NPAS3: variants seen among roughly 807,000 people sequenced by gnomAD.
NPAS3 encodes the protein neuronal PAS domain-containing protein 3.
Under a neutral mutation model 73.1 loss-of-function variants are expected in NPAS3, and 14 were observed. The ratio of observed to expected loss-of-function variants is 0.19; its 90% CI spans 0.13 to 0.30. The LOEUF (loss-of-function observed/expected upper bound fraction) is 0.30. Ranked by LOEUF, NPAS3 falls within the 10% of genes least tolerant of loss-of-function variation. NPAS3 has a pLI of 1.00. For missense variants in NPAS3, 1,096 were observed against 1,250.0 expected, an observed-to-expected ratio of 0.88 and a Z score of 1.86; for synonymous variants, 620 against 541.5, an observed-to-expected ratio of 1.14 and a Z score of -2.01.
intron 6 of NPAS3, among the ~76,000 whole-genome samples, chr14:33,688,430 C>T (rs2060147873): frequency 6.6e-6 from 1 of 152,136 alleles, no homozygotes; most frequent in Non-Finnish European, 1.5e-5. Flanking sequence ...CCCGAAAGCA[C>T]ATGATTAAGC....
At position 33,003,665 on chromosome 14, in the gene NPAS3, C is replaced by T. The variant is rs78282202; in HGVS notation, c.51-52240C>T. ...TTAGAAGAAATCCAAGTAAGATTTT[C>T]ACAGTGGAAGCTTTGCAACAGTTGA... On this transcript the variant is annotated intron_variant, in intron 1 of 11. Transcript: ENST00000356141. Among the ~76,000 whole-genome samples the T allele has an allele frequency of 8.3e-3, 1,257 of 152,272 alleles. 14 individuals are homozygous for T. The highest frequency in any genetic ancestry group is 0.028 in the African/African-American group (1,173 of 41,562).
At chr14:33,286,311 T>C (rs2041870319) in intron 3 of NPAS3, among the ~76,000 whole-genome samples, 1 of 152,206 alleles carries the variant, frequency 6.6e-6, no homozygotes, top group Admixed American at 6.5e-5. Flanking sequence ...TTGATTTAAC[T>C]TAATTACCTT....
At chr14:33,298,222 G>T (rs796132570) in intron 3 of NPAS3, among the ~76,000 whole-genome samples, 4 of 152,306 alleles carry the variant, frequency 2.6e-5, no homozygotes, top group African/African-American at 9.6e-5. Context: ...GGTGGAGGTT[G>T]CAGTGAGCCA....
At chr14:33,456,662 A>G (rs1162813854) in intron 4 of NPAS3, among the ~76,000 whole-genome samples, 7 of 152,290 alleles carry the variant, frequency 4.6e-5, no homozygotes, top group African/African-American at 1.7e-4. Flanking sequence ...ACAGCCTGAG[A>G]CCGCACTGTT....
chr14:33,666,725 C>A (rs1379779650), intron 5 of NPAS3, among the ~76,000 whole-genome samples: 4 of 152,112 alleles, frequency 2.6e-5, no homozygotes, highest in Non-Finnish European at 4.4e-5. Context: ...GGGGCATGTG[C>A]TGAGTTTCTA....
At chr14:33,767,647 G>C (rs928681086) in intron 7 of NPAS3, among the ~76,000 whole-genome samples, 1 of 140,718 alleles carries the variant, frequency 7.1e-6, no homozygotes, top group Non-Finnish European at 1.5e-5. Context: ...TCCCCTAGTC[G>C]CCTAGCCCTA....
At chr14:33,453,970 G>T (rs568363535) in intron 4 of NPAS3, among the ~76,000 whole-genome samples, 8 of 152,206 alleles carry the variant, frequency 5.3e-5, no homozygotes, top group Non-Finnish European at 1.0e-4. Flanking sequence ...GAACACAGGC[G>T]TGAGCCACCA....
intron 5 of NPAS3, among the ~76,000 whole-genome samples, chr14:33,636,868 C>T (rs66969162): frequency 0.07 from 10,591 of 151,806 alleles, 503 homozygotes; most frequent in Admixed American, 0.15. Context: ...CCTCCTGCTA[C>T]CAAGCTGTCA....
At chr14:32,942,148 T>A (rs1277228092) in intron 1 of NPAS3, among the ~76,000 whole-genome samples, 1 of 152,222 alleles carries the variant, frequency 6.6e-6, no homozygotes, top group Non-Finnish European at 1.5e-5. Context: ...ATGTTTTAAA[T>A]GGTATCCTCC....
chr14:33,430,432 C>T (rs768778909), intron 4 of NPAS3, among the ~76,000 whole-genome samples: 15 of 152,094 alleles, frequency 9.9e-5, no homozygotes, highest in African/African-American at 2.7e-4. Flanking sequence ...ATGTGGTCCT[C>T]GTCTAGGATT....
intron 3 of NPAS3, among the ~76,000 whole-genome samples, chr14:33,240,438 G>A (rs184910457): frequency 1.5e-3 from 227 of 151,218 alleles, no homozygotes; most frequent in Non-Finnish European, 2.4e-3. Context: ...ATAATAATTG[G>A]ACTCTTTGTC....
chr14:33,722,957 T>A (rs890478221), intron 6 of NPAS3, among the ~76,000 whole-genome samples: 3 of 152,100 alleles, frequency 2.0e-5, no homozygotes, highest in South Asian at 4.1e-4. Flanking sequence ...GTGAAAAAAA[T>A]TAATTAACAG....
chr14:33,200,186 T>TA (rs2046560126), intron 2 of NPAS3, among the ~76,000 whole-genome samples: 1 of 151,500 alleles, frequency 6.6e-6, no homozygotes, highest in African/African-American at 2.4e-5. Context: ...GGTGCAAAAG[T>TA]AACTGGTTTT....
chr14:33,060,572 T>C (rs537753139), intron 2 of NPAS3, among the ~76,000 whole-genome samples: 37 of 152,350 alleles, frequency 2.4e-4, no homozygotes, highest in Admixed American at 3.9e-4. Context: ...GTAAAGTTTG[T>C]CTTTGTTTAG....
At chr14:33,304,698 TATA>T (rs1253561592) in intron 3 of NPAS3, among the ~76,000 whole-genome samples, 2 of 152,146 alleles carry the variant, frequency 1.3e-5, no homozygotes, top group Admixed American at 1.3e-4. Context: ...TTCTAAACAG[TATA>T]ATGAGCTAGG....
At chr14:33,260,746 C>T (rs2139953653) in intron 3 of NPAS3, among the ~76,000 whole-genome samples, 2 of 152,218 alleles carry the variant, frequency 1.3e-5, no homozygotes, top group East Asian at 3.9e-4. Flanking sequence ...TCTCTTTAAC[C>T]TCTCTCTTCT....
intron 4 of NPAS3, among the ~76,000 whole-genome samples, chr14:33,463,068 T>A (rs1284176249): frequency 6.6e-6 from 1 of 152,202 alleles, no homozygotes; most frequent in Non-Finnish European, 1.5e-5. Context: ...AGGAAGTTTA[T>A]AAGAAATATG....
chr14:33,322,546 T>A (rs2043501413), intron 3 of NPAS3, among the ~76,000 whole-genome samples: 1 of 151,714 alleles, frequency 6.6e-6, no homozygotes, highest in African/African-American at 2.4e-5. Flanking sequence ...AGGTAAACAT[T>A]GTTTTAAGCA....
intron 2 of NPAS3, among the ~76,000 whole-genome samples, chr14:33,089,111 C>A (rs988166555): frequency 5.3e-5 from 8 of 152,026 alleles, no homozygotes; most frequent in African/African-American, 1.9e-4. Flanking sequence ...TCCAAAGGAA[C>A]GCAGCTGCTC....
Sources: gnomAD v4.1 joint callset for allele counts (sites outside exome capture counted in the v4.1 genomes callset) on GRCh38, gnomAD v4.1.1 for gene constraint, MANE v1.5 for transcripts, NCBI Gene and HGNC (gene_info 2026-07-23, HGNC 2026-07-21) for gene names.